The following LRRC8C variants were observed in gnomAD, a reference collection of about 807,000 sequenced individuals.
The protein encoded by LRRC8C is volume-regulated anion channel subunit LRRC8C.
Under a neutral mutation model 55.3 loss-of-function variants are expected in LRRC8C, and 20 were observed. The observed-to-expected ratio is 0.36, with a 90% CI of 0.25 to 0.53. The LOEUF is 0.53. Ranked by LOEUF, LRRC8C falls within the 20% of genes least tolerant of loss-of-function variation. The pLI, the probability that LRRC8C is intolerant of heterozygous loss-of-function variation, is 0.92. For synonymous variants in LRRC8C, 376 were observed against 360.7 expected (o/e 1.04, Z -0.48); for missense variants, 659 against 951.4 (o/e 0.69, Z 4.04).
At position 89,717,443 on chromosome 1, in the gene LRRC8C, AT is replaced by A. The variant is rs547676774; in HGVS notation, c.*2462del. The A allele has an allele frequency of 1.0e-3, 157 of 152,282 alleles. No homozygotes were observed. Among genetic ancestry groups the A allele is most frequent in the African/African-American group, 3.6e-3 (148 of 41,546 alleles). 9.4% of individuals were successfully genotyped at this position (152,282 alleles called of 1,614,324 possible). On this transcript the variant is annotated 3_prime_UTR_variant, in exon 3 of 3. Transcript: ENST00000370454. ...AAAATTTGCTCAAAATTCCAAAAAA[AT>A]ATTGATTTGTTTTTTAGTGATTTTG...
chr1:89,714,751 C>G lies in LRRC8C; in HGVS notation c.2181C>G (p.Phe727Leu), dbSNP rs754670200. The G allele has an allele frequency of 6.2e-7, 1 of 1,613,768 alleles. No individual in the cohort carries two copies. Among genetic ancestry groups the G allele is most frequent in the Non-Finnish European group, 8.5e-7 (1 of 1,179,944 alleles). ...AAAGCCTTCCAGATGAACTCTACTT[C>G]TGCAAGAAACTTAAAACTCTGAAGA... ...KVESLPDELY[F>L]CKKLKTLKIG... is the part of the protein sequence containing the mutation. The change falls in exon 3 of 3, where the codon TTC becomes TTG. Residue 727 changes from phenylalanine to leucine, a missense_variant. By Grantham distance (22) the Phe-to-Leu change is conservative. Transcript: ENST00000370454. This position sits in a 1 kb window ranked among gnomAD's most constrained non-coding sequence, Gnocchi z 4.6.
intron 2 of LRRC8C, among the ~76,000 whole-genome samples, chr1:89,707,281 C>T (rs1478581892): frequency 6.6e-6 from 1 of 152,074 alleles, no homozygotes; most frequent in Non-Finnish European, 1.5e-5. Context: ...GTGGCACACA[C>T]CTGTAGTCCC....
chr1:89,694,779 G>C (rs555515102), intron 2 of LRRC8C, among the ~76,000 whole-genome samples: 2 of 151,440 alleles, frequency 1.3e-5, no homozygotes, highest in East Asian at 3.9e-4. Context: ...GTAGAGACGG[G>C]CTTTCACCAT....
Position 89,703,381 on chromosome 1 carries a change from C to T in LRRC8C, c.139-9328C>T, listed in dbSNP as rs896743296. Among the ~76,000 whole-genome samples the T allele has an allele frequency of 2.6e-5, 4 of 152,180 alleles. No homozygotes were observed. In the East Asian group the frequency reaches 7.7e-4, roughly 29 times the overall value. On this transcript the variant is annotated intron_variant, in intron 2 of 2. Coordinates refer to ENST00000370454, the MANE Select transcript of LRRC8C (RefSeq NM_032270.5). ...TGAAAGCAATATAGGAATTGTCAGT[C>T]TTACAGGATATATGAGTTTCCTATC...
chr1:89,661,270 T>A, intron 1 of LRRC8C: 1 of 298,148 alleles, frequency 3.4e-6, no homozygotes, highest in South Asian at 3.8e-5. Context: ...GAGTAGAACT[T>A]GTATTGATCA....
intron 2 of LRRC8C, among the ~76,000 whole-genome samples, chr1:89,700,513 T>A (rs1658288933): frequency 6.6e-6 from 1 of 152,226 alleles, no homozygotes; most frequent in African/African-American, 2.4e-5. Context: ...CACAATTACT[T>A]TTATGCCAAC....
chr1:89,626,566 A>G, the LRRC8C span: 1 of 152,170 alleles, frequency 6.6e-6, no homozygotes, highest in East Asian at 1.9e-4. Flanking sequence ...AGGTTTAATC[A>G]TTTACTAGAA....
chr1:89,713,212 G>A lies in LRRC8C; in HGVS notation c.642G>A (p.Lys214=). 1 of 1,614,168 alleles carries A rather than the reference G, an allele frequency of 6.2e-7. No individual in the cohort carries two copies. The highest frequency in any genetic ancestry group is 8.5e-7 in the Non-Finnish European group (1 of 1,180,030). ...GCCTGGTCAACTCTCAGTCTTTAAA[G>A]TCCATTCCTGAGAAGTTTGTAGTTG... The part of the protein sequence containing the change: ...EDSLVNSQSL[K]SIPEKFVVDK... Residue 214 remains lysine (K), a synonymous_variant, in exon 3 of 3, where the codon AAG becomes AAA. Transcript: ENST00000370454. This position sits in a 1 kb window ranked among gnomAD's most constrained non-coding sequence, Gnocchi z 5.2.
At chr1:89,683,361 A>AT (rs1557660058) in intron 1 of LRRC8C, among the ~76,000 whole-genome samples, 913 of 31,372 alleles carry the variant, frequency 0.029, 3 homozygotes, top group Middle Eastern at 0.11. Context: ...AAGATAGACT[A>AT]ATTTTTTTTT....
chr1:89,669,894 G>A (rs1657371050), intron 1 of LRRC8C, among the ~76,000 whole-genome samples: 1 of 152,072 alleles, frequency 6.6e-6, no homozygotes, highest in African/African-American at 2.4e-5. Flanking sequence ...TAACCTAGGA[G>A]GATGTTTCTA....
intron 1 of LRRC8C, among the ~76,000 whole-genome samples, chr1:89,684,351 C>T (rs1373967657): frequency 6.6e-6 from 1 of 152,176 alleles, no homozygotes; most frequent in South Asian, 2.1e-4. Flanking sequence ...TAGACTATAA[C>T]ACAGGTTGTT....
At chr1:89,711,970 T>A (rs1436560615) in intron 2 of LRRC8C, among the ~76,000 whole-genome samples, 1 of 152,226 alleles carries the variant, frequency 6.6e-6, no homozygotes, top group East Asian at 1.9e-4. Flanking sequence ...CAGGAATTCC[T>A]TTCATAGTTC....
chr1:89,671,300 A>G (rs1657407526), intron 1 of LRRC8C, among the ~76,000 whole-genome samples: 1 of 149,920 alleles, frequency 6.7e-6, no homozygotes, highest in Admixed American at 6.6e-5. Flanking sequence ...AGAAGGTTAG[A>G]GAGGAGGAAA....
chr1:89,689,769 C>T (rs1461748714), intron 2 of LRRC8C, among the ~76,000 whole-genome samples: 1 of 151,916 alleles, frequency 6.6e-6, no homozygotes, highest in Non-Finnish European at 1.5e-5. Context: ...GGTGAAACCC[C>T]ATCTCTACTA....
intron 1 of LRRC8C, among the ~76,000 whole-genome samples, chr1:89,645,476 C>T (rs557421881): frequency 2.7e-4 from 41 of 152,172 alleles, no homozygotes; most frequent in African/African-American, 8.2e-4. Flanking sequence ...CCATACACTT[C>T]GCAATTATGG....
upstream of LRRC8C, chr1:89,631,773 G>A (rs1336046307): frequency 6.6e-6 from 1 of 152,154 alleles, no homozygotes; most frequent in Non-Finnish European, 1.5e-5. Context: ...AGAATTTAAG[G>A]TTGTCTTCTG....
intron 1 of LRRC8C, among the ~76,000 whole-genome samples, chr1:89,682,709 G>C (rs1340584813): frequency 1.3e-5 from 2 of 152,190 alleles, no homozygotes; most frequent in Non-Finnish European, 2.9e-5. Flanking sequence ...AGGTTCACTT[G>C]CTGTTCTTAT....
intron 2 of LRRC8C, 50 bp downstream of exon 2, chr1:89,686,661 C>A: frequency 6.3e-7 from 1 of 1,599,870 alleles, no homozygotes; most frequent in Non-Finnish European, 8.5e-7. Context: ...AAGCACAAGT[C>A]ATTGAAACCT....
the LRRC8C span, among the ~76,000 whole-genome samples, chr1:89,616,372 A>G: frequency 1.3e-5 from 2 of 152,198 alleles, no homozygotes; most frequent in Non-Finnish European, 2.9e-5. Context: ...GGGGCGTGGG[A>G]ACAGCATTCT....
Sources: gnomAD v4.1 joint callset for allele counts (sites outside exome capture counted in the v4.1 genomes callset) on GRCh38, gnomAD v4.1.1 for gene constraint, Gnocchi (gnomAD v3.1) non-coding constraint, MANE v1.5 for transcripts, NCBI Gene and HGNC (gene_info 2026-07-23, HGNC 2026-07-21) for gene names.